The following BBOF1 variants were observed in gnomAD, a reference collection of about 807,000 sequenced individuals.
BBOF1 encodes basal body-orientation factor 1.
Under a neutral mutation model 68.0 loss-of-function variants are expected in BBOF1, and 62 were observed. That is an observed-to-expected ratio of 0.91 (90% CI 0.74 to 1.13). The LOEUF (loss-of-function observed/expected upper bound fraction) is 1.13, where lower values mean the gene tolerates loss of function less well. Among genes scored for constraint, BBOF1 ranks in the 50% most tolerant of loss-of-function variants. BBOF1 has a pLI of 0.00. For synonymous variants in BBOF1, 208 were observed against 198.8 expected (o/e 1.05, Z -0.39); for missense variants, 534 against 600.1 (o/e 0.89, Z 1.15).
intron 10 of BBOF1, 77 bp from the exon 11 acceptor site, chr14:74,057,067 T>C: frequency 1.9e-6 from 3 of 1,594,036 alleles, no homozygotes; most frequent in East Asian, 2.2e-5. Flanking sequence ...GAAAGTAATA[T>C]GACAAGTCTG....
intron 4 of BBOF1, among the ~76,000 whole-genome samples, chr14:74,036,606 C>G (rs1018056576): frequency 2.0e-5 from 3 of 150,870 alleles, no homozygotes; most frequent in African/African-American, 4.9e-5. Flanking sequence ...ATCTCTTGAA[C>G]CTGGGAGGCG....
At position 74,079,262 on chromosome 14, in the gene BBOF1, C is replaced by T. The variant is rs530458363; in HGVS notation, n.1536+910C>T. ...GAGGCTGAGGTGGGAAGATCACTTG[C>T]GTTCAGGAATTTGAGACCTGCCTGC... is the stretch of plus-strand genomic sequence containing the variant. On this transcript the variant is annotated intron_variant and non_coding_transcript_variant, in intron 10 of 12. Coordinates refer to the BBOF1 transcript ENST00000492026. Among the ~76,000 whole-genome samples, 11 of 151,552 alleles carry T rather than the reference C, an allele frequency of 7.3e-5. 1 individual carries two copies. In the South Asian group the frequency reaches 2.3e-3, roughly 31 times the overall value.
At chr14:74,023,925 CAAAAAAAAAA>C (rs780429164) in intron 2 of BBOF1, among the ~76,000 whole-genome samples, 1 of 46,780 alleles carries the variant, frequency 2.1e-5, no homozygotes, top group African/African-American at 7.4e-5. Context: ...GACTCCATCT[CAAAAAAAAAA>C]AAAAAAAAGA....
intron 9 of BBOF1, among the ~76,000 whole-genome samples, chr14:74,076,751 T>C (rs2060617691): frequency 6.6e-6 from 1 of 152,112 alleles, no homozygotes; most frequent in Admixed American, 6.6e-5. Context: ...GGTTTCACCA[T>C]GTTGGCCTGG....
chr14:74,060,889 T>C, intron 11 of BBOF1: 2 of 673,292 alleles, frequency 3.0e-6, no homozygotes, highest in South Asian at 1.7e-5. Context: ...ATATTGTTCC[T>C]AAGATAATTG....
chr14:74,069,850 C>CTTTTTT (rs779619553), downstream of BBOF1, among the ~76,000 whole-genome samples: 4 of 122,558 alleles, frequency 3.3e-5, no homozygotes, highest in Non-Finnish European at 5.0e-5. Context: ...CTAATCTAAC[C>CTTTTTT]TTTTTTTTTT....
At chr14:74,059,871 A>G (rs1350719358) in intron 11 of BBOF1, 4 of 153,444 alleles carry the variant, frequency 2.6e-5, no homozygotes, top group Non-Finnish European at 5.8e-5. Flanking sequence ...AGTGACAATG[A>G]TAGAATTAAT....
intron 4 of BBOF1, among the ~76,000 whole-genome samples, chr14:74,034,470 T>C (rs1293472144): frequency 6.6e-6 from 1 of 152,186 alleles, no homozygotes; most frequent in Non-Finnish European, 1.5e-5. Flanking sequence ...TACAAGTTCT[T>C]AGAAAACCTC....
intron 4 of BBOF1, among the ~76,000 whole-genome samples, chr14:74,038,313 T>G (rs1777933985): frequency 6.6e-6 from 1 of 152,240 alleles, no homozygotes. Context: ...CATAATTAAC[T>G]TTTCATGAAC....
intron 9 of BBOF1, chr14:74,072,345 C>A (rs1228238003): frequency 6.2e-7 from 1 of 1,614,170 alleles, no homozygotes; most frequent in Non-Finnish European, 8.5e-7. Context: ...AGGGACCCGA[C>A]CAATGACCTC....
At chr14:74,061,218 T>A (rs1209512216) in intron 11 of BBOF1, among the ~76,000 whole-genome samples, 1 of 152,136 alleles carries the variant, frequency 6.6e-6, no homozygotes, top group Non-Finnish European at 1.5e-5. Context: ...CCTCAAGTGA[T>A]CCGCCTTCCT....
intron 9 of BBOF1, among the ~76,000 whole-genome samples, chr14:74,076,447 T>C (rs2139806916): frequency 6.6e-6 from 1 of 152,046 alleles, no homozygotes; most frequent in Admixed American, 6.5e-5. Flanking sequence ...CTGCAACCTC[T>C]GCCTCCCGTG....
chr14:74,065,431 C>CT lies in BBOF1; in HGVS notation c.*735dup. On this transcript the variant is annotated 3_prime_UTR_variant, in exon 12 of 12. Coordinates refer to ENST00000394009, the MANE Select transcript of BBOF1 (RefSeq NM_025057.3). ...CTGAGTATTTTATGCTTATTTGGTA[C>CT]TTTCACTTACTACACATCATTTACG... The CT allele has an allele frequency of 7.6e-7, 1 of 1,322,388 alleles. No individual in the cohort carries two copies. Among genetic ancestry groups the CT allele is most frequent in the South Asian group, 1.2e-5 (1 of 82,372 alleles). 81.9% of individuals were successfully genotyped at this position (1,322,388 alleles called of 1,614,324 possible).
chr14:74,045,219 C>T (rs2059923477), intron 5 of BBOF1, among the ~76,000 whole-genome samples: 1 of 152,190 alleles, frequency 6.6e-6, no homozygotes, highest in South Asian at 2.1e-4. Context: ...ATATAAGCTT[C>T]ATGAGATCAG....
At chr14:74,071,425 A>G in intron 9 of BBOF1, 5 of 1,614,180 alleles carry the variant, frequency 3.1e-6, no homozygotes, top group Non-Finnish European at 4.2e-6. Context: ...ATAAAGGTCC[A>G]TGTCTTTGGT....
chr14:74,067,614 A>G (rs1391252787), downstream of BBOF1: 2 of 1,597,928 alleles, frequency 1.3e-6, no homozygotes, highest in South Asian at 1.1e-5. Flanking sequence ...TTGGCCAAAT[A>G]CAACTAAGCT....
downstream of BBOF1, among the ~76,000 whole-genome samples, chr14:74,070,058 C>G (rs1177639399): frequency 6.6e-6 from 1 of 151,860 alleles, no homozygotes; most frequent in Non-Finnish European, 1.5e-5. Context: ...CCAGGCTGGT[C>G]TCGAACTCCT....
rs958636681 is a variant in BBOF1, at chr14:74,074,003, T to A, written n.1380-4193T>A. On this transcript the variant is annotated intron_variant and non_coding_transcript_variant, in intron 9 of 12. Coordinates refer to the BBOF1 transcript ENST00000492026. Reference sequence around the variant, plus strand: ...CACTTTAACTAATTTTTTTTTTTTTTAACATAGAGTCTACTTTGTCACCCA... The same window carrying A: ...CACTTTAACTAATTTTTTTTTTTTTAAACATAGAGTCTACTTTGTCACCCA... Among the ~76,000 whole-genome samples the A allele has an allele frequency of 4.7e-4, 66 of 139,024 alleles. 1 individual carries two copies. The highest frequency in any genetic ancestry group is 6.2e-5 in the Non-Finnish European group (4 of 64,584). 91.2% of individuals were successfully genotyped at this position (139,024 alleles called of 152,430 possible).
chr14:74,078,550 CAG>C (rs1430283826), intron 10 of BBOF1, among the ~76,000 whole-genome samples: 2 of 151,908 alleles, frequency 1.3e-5, no homozygotes, highest in East Asian at 3.9e-4. Flanking sequence ...TTTTTTGAGA[CAG>C]AGTCTCACTC....
Sources: allele counts gnomAD v4.1 joint callset (sites outside exome capture counted in the v4.1 genomes callset), GRCh38; gene constraint gnomAD v4.1.1; transcripts MANE v1.5; gene names NCBI Gene and HGNC (gene_info 2026-07-23, HGNC 2026-07-21).